The following PLCG2 variants were observed in gnomAD, a reference collection of about 807,000 sequenced individuals.
PLCG2 encodes the protein 1-phosphatidylinositol 4,5-bisphosphate phosphodiesterase gamma-2.
Under a neutral mutation model 175.6 loss-of-function variants are expected in PLCG2, and 69 were observed. The ratio of observed to expected loss-of-function variants is 0.39; its 90% CI spans 0.32 to 0.48. PLCG2 has a LOEUF of 0.48. Ranked by LOEUF, PLCG2 falls within the 20% of genes least tolerant of loss-of-function variation. The probability of loss-of-function intolerance (pLI) is 0.91; values close to 1 mark genes in which losing one functional copy is unlikely to be tolerated. For missense variants in PLCG2, 1,798 were observed against 1,650.9 expected, an observed-to-expected ratio of 1.09 and a Z score of -1.54; for synonymous variants, 827 against 624.0, an observed-to-expected ratio of 1.33 and a Z score of -4.85.
At chr16:81,880,788 A>T (rs1178907683) in intron 7 of PLCG2, 122 bp from the exon 8 acceptor site, 3 of 843,904 alleles carry the variant, frequency 3.6e-6, no homozygotes, top group African/African-American at 1.7e-5. Flanking sequence ...AACTAAAATG[A>T]TATTTTTAAT....
chr16:81,922,643 C>A (rs1007338461), intron 21 of PLCG2, among the ~76,000 whole-genome samples: 7 of 152,202 alleles, frequency 4.6e-5, no homozygotes, highest in African/African-American at 7.2e-5. Flanking sequence ...ACCTACATAT[C>A]TGACTCTGTA....
At chr16:81,851,934 C>T (rs1041397380) in intron 2 of PLCG2, 1 of 152,522 alleles carries the variant, frequency 6.6e-6, no homozygotes, top group East Asian at 1.9e-4. Context: ...CTGCTCTCCT[C>T]CTCTAGCTCC....
At chr16:81,774,983 T>C (rs1910368105), upstream of PLCG2, among the ~76,000 whole-genome samples, 2 of 152,098 alleles carry the variant, frequency 1.3e-5, no homozygotes, top group Non-Finnish European at 2.9e-5. Context: ...TGGGCTCAAG[T>C]GGTCCACCCT....
chr16:81,772,652 A>G (rs1186027269), intron 2 of PLCG2, among the ~76,000 whole-genome samples: 5 of 89,698 alleles, frequency 5.6e-5, no homozygotes, highest in African/African-American at 1.7e-4. Flanking sequence ...TCTACTAAAA[A>G]TACAAAAAAA....
At chr16:81,821,092 A>G (rs1266883262) in intron 2 of PLCG2, among the ~76,000 whole-genome samples, 1 of 152,234 alleles carries the variant, frequency 6.6e-6, no homozygotes, top group Non-Finnish European at 1.5e-5. Flanking sequence ...GGGTCTCATC[A>G]TGTTGGCTAG....
In PLCG2 at chr16:81,859,313, G is replaced by T. The variant is rs1906843081; in HGVS notation, c.479+150G>T. 5.1e-6 allele frequency: 3 copies of T among 583,884 alleles called. No homozygotes were observed. In the Admixed American group the frequency reaches 9.6e-5, roughly 19 times the overall value. The allele number at this position is 583,884 out of a possible 1,614,324, so 36.2% of individuals were successfully genotyped here. A position where few individuals can be genotyped will look rare whatever the true frequency, so the allele number is the denominator to read the frequency against. The stretch of plus-strand genomic sequence containing the variant: ...TGCGGATGCCATGTTGGGTCCTGGG[G>T]TTGAGGATGACAAAATCCTCCTCCT... On this transcript the variant is annotated intron_variant, in intron 5 of 32. Transcript: ENST00000564138.
chr16:81,893,094 C>T (rs1485879543), intron 11 of PLCG2, among the ~76,000 whole-genome samples: 2 of 152,128 alleles, frequency 1.3e-5, no homozygotes, highest in South Asian at 2.1e-4. Context: ...CACCTGACCT[C>T]GTGATCTGCC....
At chr16:81,867,482 C>A (rs1597363268) in intron 5 of PLCG2, among the ~76,000 whole-genome samples, 1 of 152,190 alleles carries the variant, frequency 6.6e-6, no homozygotes, top group Non-Finnish European at 1.5e-5. Flanking sequence ...CCAAACTGAT[C>A]GGTGCCTCAG....
intron 22 of PLCG2, among the ~76,000 whole-genome samples, chr16:81,926,362 C>T (rs1199718582): frequency 1.3e-5 from 2 of 152,166 alleles, no homozygotes; most frequent in South Asian, 2.1e-4. Flanking sequence ...AAGAGATGGG[C>T]AGGTTGAAGG....
chr16:81,943,773 G>A (rs1252620213), intron 30 of PLCG2, among the ~76,000 whole-genome samples: 1 of 152,198 alleles, frequency 6.6e-6, no homozygotes, highest in Non-Finnish European at 1.5e-5. Context: ...AAATCACATT[G>A]TAGCGATAGG....
intron 7 of PLCG2, among the ~76,000 whole-genome samples, chr16:81,878,013 G>T (rs531303114): frequency 9.2e-6 from 1 of 108,154 alleles, no homozygotes. Context: ...AGGGAGTCTC[G>T]CTCTGTCACC....
chr16:81,856,014 G>A (rs567722641), intron 3 of PLCG2, among the ~76,000 whole-genome samples: 1 of 152,168 alleles, frequency 6.6e-6, no homozygotes, highest in South Asian at 2.1e-4. Flanking sequence ...GAGACCAGAA[G>A]AACCCGGGTC....
rs575226186 is a variant in PLCG2 at position 81,805,435 on chromosome 16, C to T, written c.193+19253C>T. 8.2e-5 allele frequency among the ~76,000 whole-genome samples: 12 copies of T among 145,534 alleles called. No homozygotes were observed. The East Asian group carries it at 1.1e-3, about 13-fold the overall frequency. On this transcript the variant is annotated intron_variant, in intron 2 of 32. Coordinates refer to ENST00000564138, the MANE Select transcript of PLCG2 (RefSeq NM_002661.5). Reference sequence around the variant, plus strand: ...AATGGCGTTAACCCAGGAGGTGGAGCTTGCAGTGAGCAGAGATTGCACCAC... The same window carrying T: ...AATGGCGTTAACCCAGGAGGTGGAGTTTGCAGTGAGCAGAGATTGCACCAC...
chr16:81,816,335 C>T (rs1904545612), intron 2 of PLCG2, among the ~76,000 whole-genome samples: 2 of 152,218 alleles, frequency 1.3e-5, no homozygotes, highest in African/African-American at 2.4e-5. Flanking sequence ...CGTGCCACTA[C>T]ACTCCAGCCT....
intron 2 of PLCG2, among the ~76,000 whole-genome samples, chr16:81,801,767 G>A (rs751413302): frequency 6.6e-6 from 1 of 151,736 alleles, no homozygotes; most frequent in East Asian, 1.9e-4. Flanking sequence ...TGCAACCTCC[G>A]CCTCCAGGGT....
chr16:81,768,819 G>C (rs530150277), intron 2 of PLCG2, among the ~76,000 whole-genome samples: 11 of 151,980 alleles, frequency 7.2e-5, no homozygotes, highest in African/African-American at 2.2e-4. Flanking sequence ...CATGCACCTC[G>C]GCCTCCCAAA....
intron 2 of PLCG2, among the ~76,000 whole-genome samples, chr16:81,817,693 C>T (rs1721683671): frequency 6.6e-6 from 1 of 152,122 alleles, no homozygotes; most frequent in African/African-American, 2.4e-5. Context: ...ACTGTGTTGC[C>T]CAGGCTGGTC....
chr16:81,912,465 G>C (rs1909669153), intron 18 of PLCG2, 132 bp from the exon 19 acceptor site: 6 of 1,087,426 alleles, frequency 5.5e-6, no homozygotes, highest in African/African-American at 3.2e-5. Context: ...GAAGCCCACT[G>C]TGTGATTTCC....
chr16:81,811,245 C>T (rs1001278880), intron 2 of PLCG2, among the ~76,000 whole-genome samples: 3 of 152,108 alleles, frequency 2.0e-5, no homozygotes, highest in African/African-American at 4.8e-5. Flanking sequence ...ATGGGCACAC[C>T]GGTGGTACCT....
Sources: allele counts gnomAD v4.1 joint callset (sites outside exome capture counted in the v4.1 genomes callset), GRCh38; gene constraint gnomAD v4.1.1; transcripts MANE v1.5; gene names NCBI Gene and HGNC (gene_info 2026-07-23, HGNC 2026-07-21).